Variants in PRPF6 observed in about 807,000 individuals in gnomAD.
PRPF6 encodes the protein pre-mRNA processing factor 6.
Under a neutral mutation model 118.3 loss-of-function variants are expected in PRPF6, and 42 were observed. The observed-to-expected ratio is 0.35, with a 90% confidence interval of 0.28 to 0.46. The LOEUF (loss-of-function observed/expected upper bound fraction) is 0.46, where lower values mean the gene tolerates loss of function less well. PRPF6 is among the 20% of genes least tolerant of loss of function. PRPF6 has a pLI of 1.00. For synonymous variants in PRPF6, 481 were observed against 485.1 expected, an observed-to-expected ratio of 0.99 and a Z score of 0.11; for missense variants, 662 against 1,255.7, an observed-to-expected ratio of 0.53 and a Z score of 7.15.
intron 14 of PRPF6, 102 bp downstream of exon 14, chr20:64,024,795 C>T: frequency 6.7e-7 from 1 of 1,499,892 alleles, no homozygotes. Flanking sequence ...GTGGCACGTG[C>T]TGTTGTTGGG....
Position 64,031,931 on chromosome 20 carries a change from C to G in PRPF6, c.2560C>G (p.Gln854Glu). The change falls in exon 20 of 21, where the codon CAG (glutamine) becomes GAG (glutamate). Residue 854 changes from glutamine to glutamate, a missense_variant. By Grantham distance (29) the Gln-to-Glu change is conservative. Transcript: ENST00000266079. ...CTGCTGGAACAGGCTGTTTTGGAGT[C>G]AGCGGAAGATCACCAAGGCCAGGGA... ...LLAVAKLFWS[Q>E]RKITKAREWF... 1 of 1,614,154 alleles carries G rather than the reference C, an allele frequency of 6.2e-7. No individual in the cohort carries two copies. Among genetic ancestry groups the G allele is most frequent in the South Asian group, 1.1e-5 (1 of 91,078 alleles).
rs2059288428 is a variant in PRPF6, at chr20:64,026,035, C to T, written c.2005C>T (p.Arg669Trp). Reference protein sequence around the residue: ...ERARRLLAKARSSAPTARVFM... With the variant: ...ERARRLLAKAWSSAPTARVFM... The stretch of plus-strand genomic sequence containing the variant: ...GGCCCGGAGGCTGCTGGCCAAGGCG[C>T]GGAGCAGTGCCCCCACCGCCCGGGT... The change falls in exon 15 of 21, where the codon CGG (arginine) becomes TGG (tryptophan). Residue 669 changes from arginine (R) to tryptophan (W), a missense_variant. By Grantham distance (101) the Arg-to-Trp change is moderately radical. Coordinates refer to ENST00000266079, the MANE Select transcript of PRPF6 (RefSeq NM_012469.4). The surrounding 1 kb of genome is among the most constrained non-coding windows in gnomAD (Gnocchi z 4.4). 2 of 1,608,116 alleles carry T rather than the reference C, an allele frequency of 1.2e-6. No individual in the cohort carries two copies. Among genetic ancestry groups the T allele is most frequent in the Non-Finnish European group, 1.7e-6 (2 of 1,179,892 alleles).
intron 12 of PRPF6, among the ~76,000 whole-genome samples, chr20:64,017,801 G>A (rs2059246050): frequency 6.6e-6 from 1 of 152,236 alleles, no homozygotes; most frequent in South Asian, 2.1e-4. Flanking sequence ...ACACTTTGGT[G>A]TGTATTTCTT....
At position 64,028,612 on chromosome 20, in the gene PRPF6, C is replaced by G; in HGVS notation, c.2431+43C>G. 6.2e-7 allele frequency: 1 copy of G among 1,600,468 alleles called. No individual in the cohort carries two copies. The highest frequency in any genetic ancestry group is 8.5e-7 in the Non-Finnish European group (1 of 1,173,898). Reference sequence around the variant, plus strand: ...CTCCGGTAAGGGGGTGCCCTGACTCCGGTAAGGGGGTGCCTTGACTCCGGT... The same window carrying G: ...CTCCGGTAAGGGGGTGCCCTGACTCGGGTAAGGGGGTGCCTTGACTCCGGT... On this transcript the variant is annotated intron_variant, in intron 18 of 20. Transcript: ENST00000266079. The surrounding 1 kb of genome is among the most constrained non-coding windows in gnomAD (Gnocchi z 6.5).
intron 6 of PRPF6, among the ~76,000 whole-genome samples, chr20:63,995,846 G>A (rs879475802): frequency 5.9e-5 from 9 of 151,774 alleles, no homozygotes; most frequent in Non-Finnish European, 1.0e-4. Flanking sequence ...TTGTAGAGAC[G>A]GGGTTTTACC....
intron 9 of PRPF6, among the ~76,000 whole-genome samples, chr20:64,007,859 C>G (rs2123044585): frequency 6.6e-6 from 1 of 152,280 alleles, no homozygotes; most frequent in African/African-American, 2.4e-5. Context: ...CTTATTGCAC[C>G]TGCGCCTTCT....
chr20:64,010,035 G>A (rs1265728301), intron 9 of PRPF6, among the ~76,000 whole-genome samples, 165 bp from the exon 10 acceptor site: 1 of 152,166 alleles, frequency 6.6e-6, no homozygotes, highest in Non-Finnish European at 1.5e-5. Flanking sequence ...GTCCTTGTTT[G>A]TGTCTGCCCC....
Position 64,029,277 on chromosome 20 carries a change from CGTG to C in PRPF6, c.2432-97_2432-95del. 3.9e-6 allele frequency: 4 copies of C among 1,017,666 alleles called. No homozygotes were observed. Among genetic ancestry groups the C allele is most frequent in the Non-Finnish European group, 6.2e-6 (4 of 646,324 alleles). The allele number at this position is 1,017,666 out of a possible 1,614,324, so 63.0% of individuals were successfully genotyped here. A position where few individuals can be genotyped will look rare whatever the true frequency, so the allele number is the denominator to read the frequency against. On this transcript the variant is annotated intron_variant, in intron 18 of 20. Coordinates refer to ENST00000266079, the MANE Select transcript of PRPF6 (RefSeq NM_012469.4). This position sits in a 1 kb window ranked among gnomAD's most constrained non-coding sequence, Gnocchi z 4.8. ...CGAGCCGTGTGTGGGAGGCCCCTGTCGTGGTCTGAGGACGTCCCGGGTTAGAAT... is the reference window on the plus strand; with the variant it reads ...CGAGCCGTGTGTGGGAGGCCCCTGTCGTCTGAGGACGTCCCGGGTTAGAAT...
intron 9 of PRPF6, among the ~76,000 whole-genome samples, chr20:64,006,810 A>T (rs979594266): frequency 6.6e-6 from 1 of 152,184 alleles, no homozygotes; most frequent in East Asian, 1.9e-4. Context: ...GTGGCATCCT[A>T]CTGGGCTGCC....
intron 19 of PRPF6, among the ~76,000 whole-genome samples, chr20:64,030,530 A>G (rs1341509913): frequency 6.6e-6 from 1 of 152,072 alleles, no homozygotes; most frequent in East Asian, 1.9e-4. Context: ...CCCTGCCCGC[A>G]GGCCCCCGAC....
Position 64,027,198 on chromosome 20 carries a change from G to A in PRPF6, c.2205+40G>A, listed in dbSNP as rs1235955425. The A allele has an allele frequency of 6.2e-7, 1 of 1,608,980 alleles. No homozygotes were observed. ...GCACCCTGGGGCTGCAGCTGACCCG[G>A]CATTCACAAAACTGAGCCCCCTGGT... is the stretch of plus-strand genomic sequence containing the variant. On this transcript the variant is annotated intron_variant, in intron 16 of 20. Transcript: ENST00000266079. This position sits in a 1 kb window ranked among gnomAD's most constrained non-coding sequence, Gnocchi z 6.5.
chr20:64,004,880 C>T (rs1195340066), intron 9 of PRPF6, among the ~76,000 whole-genome samples: 2 of 152,296 alleles, frequency 1.3e-5, no homozygotes, highest in East Asian at 3.9e-4. Context: ...ACACTAACGC[C>T]ATATGCTCTG....
At chr20:63,994,834 G>A in intron 4 of PRPF6, 82 bp from the exon 5 acceptor site, 1 of 1,565,016 alleles carries the variant, frequency 6.4e-7, no homozygotes, top group Non-Finnish European at 8.8e-7. Flanking sequence ...CTGGAGGCTA[G>A]GGGTGAGAGA....
chr20:64,021,641 G>T (rs1282759545), intron 12 of PRPF6, among the ~76,000 whole-genome samples: 1 of 144,042 alleles, frequency 6.9e-6, no homozygotes, highest in Non-Finnish European at 1.5e-5. Context: ...GTGTGTGCGT[G>T]CACATATGCA....
At chr20:63,987,015 C>A (rs1226995606) in intron 3 of PRPF6, among the ~76,000 whole-genome samples, 1 of 150,422 alleles carries the variant, frequency 6.6e-6, no homozygotes, top group Non-Finnish European at 1.5e-5. Flanking sequence ...CAAAAAAATA[C>A]AAAAATTAGC....
At position 63,984,479 on chromosome 20, in the gene PRPF6, T is replaced by C. The variant is rs146043044; in HGVS notation, c.241-428T>C. Among the ~76,000 whole-genome samples the C allele has an allele frequency of 1.6e-3, 248 of 151,980 alleles. 2 individuals are homozygous for C. Among genetic ancestry groups the C allele is most frequent in the African/African-American group, 5.5e-3 (227 of 41,458 alleles). On this transcript the variant is annotated intron_variant, in intron 2 of 20. Transcript: ENST00000266079. ...TTAAATTTGCAGGAATTTGCAAAAA[T>C]AGTGCCCCCCCAAAAAAAAGTTTCT...
chr20:63,982,361 A>G (rs1231392223), intron 1 of PRPF6, among the ~76,000 whole-genome samples: 1 of 151,954 alleles, frequency 6.6e-6, no homozygotes, highest in Non-Finnish European at 1.5e-5. Flanking sequence ...TAGTAGAGAC[A>G]GGGTTTCACC....
At chr20:64,025,272 A>G (rs2059283890) in intron 14 of PRPF6, among the ~76,000 whole-genome samples, 1 of 152,150 alleles carries the variant, frequency 6.6e-6, no homozygotes, top group Admixed American at 6.5e-5. Flanking sequence ...CACTCCTGTG[A>G]GTAACTGCAG....
intron 3 of PRPF6, 125 bp downstream of exon 3, chr20:63,985,150 G>T: frequency 1.4e-6 from 1 of 739,546 alleles, no homozygotes; most frequent in South Asian, 1.4e-5. Flanking sequence ...GATAGCTAGA[G>T]CCCAGGGGTT....
Sources: gnomAD v4.1 joint callset for allele counts (sites outside exome capture counted in the v4.1 genomes callset) on GRCh38, gnomAD v4.1.1 for gene constraint, Gnocchi (gnomAD v3.1) non-coding constraint, MANE v1.5 for transcripts, NCBI Gene and HGNC (gene_info 2026-07-23, HGNC 2026-07-21) for gene names.